The following CPA6 variants were observed in gnomAD, a reference collection of about 807,000 sequenced individuals.
The protein encoded by CPA6 is carboxypeptidase B.
A neutral mutation model predicts 63.3 loss-of-function variants in CPA6; 58 were observed. That is an observed-to-expected ratio of 0.92 (90% CI 0.74 to 1.14). The LOEUF (loss-of-function observed/expected upper bound fraction) is 1.14. CPA6 is among the 50% of genes most tolerant of loss of function. The pLI is 0.00. For synonymous variants in CPA6, 185 were observed against 179.0 expected (o/e 1.03, Z -0.27); for missense variants, 565 against 526.6 (o/e 1.07, Z -0.71).
At chr8:67,605,511 A>G (rs1293641556) in intron 2 of CPA6, among the ~76,000 whole-genome samples, 2 of 129,722 alleles carry the variant, frequency 1.5e-5, no homozygotes, top group African/African-American at 5.5e-5. Flanking sequence ...AAAAATTTGT[A>G]TTTTTGTATT....
At chr8:67,689,794 A>AATGGGATTACTGGGTTG (rs1211981268) in intron 1 of CPA6, among the ~76,000 whole-genome samples, 1 of 152,184 alleles carries the variant, frequency 6.6e-6, no homozygotes, top group African/African-American at 2.4e-5. Context: ...TATACCCAGT[A>AATGGGATTACTGGGTTG]ATGGGATTAC....
At chr8:67,712,225 A>T (rs529492166) in intron 1 of CPA6, among the ~76,000 whole-genome samples, 2 of 152,154 alleles carry the variant, frequency 1.3e-5, no homozygotes, top group Non-Finnish European at 2.9e-5. Flanking sequence ...GAAATAGTGT[A>T]TCGGGACCAC....
chr8:67,462,205 G>A (rs1810829026), intron 8 of CPA6, among the ~76,000 whole-genome samples: 1 of 149,836 alleles, frequency 6.7e-6, no homozygotes, highest in Non-Finnish European at 1.5e-5. Flanking sequence ...CAAAAAGCCA[G>A]TTTTATTATA....
At chr8:67,442,414 G>C (rs1340691777) in intron 8 of CPA6, among the ~76,000 whole-genome samples, 1 of 152,042 alleles carries the variant, frequency 6.6e-6, no homozygotes, top group Admixed American at 6.6e-5. Context: ...TTAGAAGACA[G>C]GGCAAAGAGG....
At chr8:67,476,859 G>A (rs73262669) in intron 8 of CPA6, among the ~76,000 whole-genome samples, 10,198 of 152,154 alleles carry the variant, frequency 0.067, 804 homozygotes, top group African/African-American at 0.19. Flanking sequence ...TGAGAAGTTC[G>A]TGTTGAGCAT....
intron 1 of CPA6, among the ~76,000 whole-genome samples, chr8:67,719,302 C>T (rs1817446194): frequency 6.6e-6 from 1 of 151,944 alleles, no homozygotes; most frequent in Admixed American, 6.6e-5. Context: ...AGGTCAGGGA[C>T]AACTCAGGAG....
chr8:67,735,885 C>T (rs139448229), intron 1 of CPA6, among the ~76,000 whole-genome samples: 67 of 152,260 alleles, frequency 4.4e-4, no homozygotes, highest in African/African-American at 1.6e-3. Context: ...CCTCACCAAC[C>T]TCTGCAGCCT....
Position 67,692,934 on chromosome 8 carries a change from C to T in CPA6, c.116+53080G>A, listed in dbSNP as rs1041359764. On this transcript the variant is annotated intron_variant, in intron 1 of 10. Transcript: ENST00000297770. ...TACGAGTCATACCCATTAGCATAGA[C>T]CCATAGACCTAAGGCACAAAGGACA... 7.2e-5 allele frequency among the ~76,000 whole-genome samples: 11 copies of T among 152,244 alleles called. 1 individual carries two copies. Among genetic ancestry groups the T allele is most frequent in the Admixed American group, 6.5e-4 (10 of 15,300 alleles).
chr8:67,702,335 A>G (rs1051162006), intron 1 of CPA6, among the ~76,000 whole-genome samples: 1 of 152,186 alleles, frequency 6.6e-6, no homozygotes, highest in Non-Finnish European at 1.5e-5. Context: ...TCAAAAGCAA[A>G]GAAACTTAAG....
Position 67,484,754 on chromosome 8 carries a change from T to C in CPA6, c.672A>G (p.Arg224=), listed in dbSNP as rs1376546712. Reference sequence around the variant, plus strand: ...AGAAATATAGATGATTCAACATTTTTCTCATGGCTGGGTCACTCTTATATG... The same window carrying C: ...AGAAATATAGATGATTCAACATTTTCCTCATGGCTGGGTCACTCTTATATG... ...LLTYKSDPAM[R]KMLNHLYFYI... Residue 224 remains arginine (R), a synonymous_variant, in exon 7 of 11, where the codon AGA becomes AGG. Coordinates refer to ENST00000297770, the MANE Select transcript of CPA6 (RefSeq NM_020361.5). 6.2e-7 allele frequency: 1 copy of C among 1,610,166 alleles called. No individual in the cohort carries two copies. Among genetic ancestry groups the C allele is most frequent in the East Asian group, 2.2e-5 (1 of 44,832 alleles).
intron 2 of CPA6, among the ~76,000 whole-genome samples, chr8:67,602,643 G>A (rs1264889900): frequency 6.6e-6 from 1 of 152,162 alleles, no homozygotes; most frequent in Non-Finnish European, 1.5e-5. Flanking sequence ...CATGATTTAT[G>A]ACAGTTCACT....
intron 1 of CPA6, among the ~76,000 whole-genome samples, chr8:67,711,123 T>C (rs1817252064): frequency 1.3e-5 from 2 of 152,200 alleles, no homozygotes; most frequent in Admixed American, 6.5e-5. Flanking sequence ...CAATTCTTTC[T>C]GCTCAGAGTT....
intron 8 of CPA6, among the ~76,000 whole-genome samples, chr8:67,475,910 CT>C (rs1412041022): frequency 2.2e-5 from 2 of 92,488 alleles, no homozygotes; most frequent in Non-Finnish European, 4.2e-5. Context: ...TTCTTTCTTT[CT>C]TTCTTTCTTT....
chr8:67,653,846 T>G (rs1384496409), intron 1 of CPA6, among the ~76,000 whole-genome samples: 2 of 152,074 alleles, frequency 1.3e-5, no homozygotes, highest in African/African-American at 2.4e-5. Context: ...GCTTCCAGTT[T>G]TTGCCCATTC....
chr8:67,735,608 T>C (rs867730275), intron 1 of CPA6: 9 of 152,236 alleles, frequency 5.9e-5, no homozygotes, highest in South Asian at 2.1e-4. Context: ...TAATACCTTG[T>C]ATTATATTCT....
intron 1 of CPA6, among the ~76,000 whole-genome samples, chr8:67,642,707 C>G (rs1398175050): frequency 6.6e-6 from 1 of 151,640 alleles, no homozygotes; most frequent in African/African-American, 2.4e-5. Flanking sequence ...TATGGCAGAT[C>G]AGCAGGGAAA....
At chr8:67,634,421 T>C (rs1815422563) in intron 1 of CPA6, among the ~76,000 whole-genome samples, 1 of 151,186 alleles carries the variant, frequency 6.6e-6, no homozygotes, top group African/African-American at 2.5e-5. Flanking sequence ...GGTTTCACCG[T>C]GTTAGCCAGG....
In CPA6 at chr8:67,434,043, A is replaced by C; in HGVS notation, c.1036T>G (p.Cys346Gly). ...GCACAGGGTCAAATACTTACCACAC[A>C]TCTAAAATTGGGAATTGTTGCATAT... ...YKYATIPNFR[C>G]VESAAYKAVN... The change falls in exon 9 of 11, where the codon TGT becomes GGT. Residue 346 changes from cysteine to glycine, a missense_variant. By Grantham distance (159) the Cys-to-Gly change is radical. Coordinates refer to ENST00000297770, the MANE Select transcript of CPA6 (RefSeq NM_020361.5). 6.2e-7 allele frequency: 1 copy of C among 1,609,182 alleles called. No homozygotes were observed. The highest frequency in any genetic ancestry group is 8.5e-7 in the Non-Finnish European group (1 of 1,176,588).
At chr8:67,621,885 A>G (rs192225927) in intron 2 of CPA6, among the ~76,000 whole-genome samples, 41 of 152,298 alleles carry the variant, frequency 2.7e-4, no homozygotes, top group African/African-American at 7.9e-4. Flanking sequence ...ATCTGCAGGA[A>G]TGATTTTCTT....
Sources: allele counts gnomAD v4.1 joint callset (sites outside exome capture counted in the v4.1 genomes callset), GRCh38; gene constraint gnomAD v4.1.1; transcripts MANE v1.5; gene names NCBI Gene and HGNC (gene_info 2026-07-23, HGNC 2026-07-21).